The following SHISA6 variants were observed in gnomAD, a reference collection of about 807,000 sequenced individuals.
SHISA6 encodes the protein protein shisa-6.
A neutral mutation model predicts 47.9 loss-of-function variants in SHISA6; 22 were observed. The ratio of observed to expected loss-of-function variants is 0.46; its 90% CI spans 0.33 to 0.66. The LOEUF is 0.66. Among genes scored for constraint, SHISA6 ranks in the 30% least tolerant of loss-of-function variants. The probability of loss-of-function intolerance (pLI) is 0.02; values close to 1 mark genes in which losing one functional copy is unlikely to be tolerated. For synonymous variants in SHISA6, 388 were observed against 337.8 expected, an observed-to-expected ratio of 1.15 and a Z score of -1.63; for missense variants, 680 against 764.6, an observed-to-expected ratio of 0.89 and a Z score of 1.30.
intron 1 of SHISA6, among the ~76,000 whole-genome samples, chr17:11,244,830 CT>C (rs1309835266): frequency 2.6e-5 from 4 of 152,188 alleles, no homozygotes; most frequent in East Asian, 1.9e-4. Context: ...GTGCTTCCCC[CT>C]GAAGATGATA....
chr17:11,384,718 C>T (rs1391452997), intron 3 of SHISA6, among the ~76,000 whole-genome samples: 1 of 152,126 alleles, frequency 6.6e-6, no homozygotes, highest in Admixed American at 6.5e-5. Context: ...ATACAGGTCC[C>T]CATGGAGGTG....
intron 3 of SHISA6, among the ~76,000 whole-genome samples, chr17:11,494,659 A>G (rs530710597): frequency 3.3e-5 from 5 of 152,318 alleles, no homozygotes; most frequent in African/African-American, 7.2e-5. Flanking sequence ...ATTAGGCTGG[A>G]GCCATCAGGG....
chr17:11,486,198 C>T (rs967566972), intron 3 of SHISA6, among the ~76,000 whole-genome samples: 2 of 152,154 alleles, frequency 1.3e-5, no homozygotes, highest in Non-Finnish European at 2.9e-5. Flanking sequence ...TTCCACGTGG[C>T]GCTGTGTGCT....
chr17:11,550,382 G>T (rs2071920910), intron 3 of SHISA6, among the ~76,000 whole-genome samples: 1 of 152,102 alleles, frequency 6.6e-6, no homozygotes, highest in African/African-American at 2.4e-5. Context: ...TTAGAGTTCA[G>T]CCTTCACCAA....
At chr17:11,445,015 C>A (rs144131775) in intron 3 of SHISA6, among the ~76,000 whole-genome samples, 1 of 152,106 alleles carries the variant, frequency 6.6e-6, no homozygotes, top group Non-Finnish European at 1.5e-5. Flanking sequence ...CTAGAAAATG[C>A]AGCTGTAGAG....
chr17:11,367,357 A>G (rs1436562696), intron 2 of SHISA6, among the ~76,000 whole-genome samples: 3 of 152,226 alleles, frequency 2.0e-5, no homozygotes, highest in African/African-American at 7.2e-5. Flanking sequence ...CAGGGAGGAC[A>G]GAGAAAGGGG....
intron 3 of SHISA6, among the ~76,000 whole-genome samples, chr17:11,435,119 TTC>T (rs986982462): frequency 9.1e-5 from 10 of 110,110 alleles, no homozygotes; most frequent in Admixed American, 5.1e-4. Flanking sequence ...GTCTCTGTCT[TTC>T]TCTCTCTCTC....
rs3038696 is a variant in SHISA6, at chr17:11,533,587, ATTTTT to A, written c.896-18290_896-18286del. Among the ~76,000 whole-genome samples the A allele has an allele frequency of 2.4e-3, 228 of 95,020 alleles. 1 individual carries two copies. Among genetic ancestry groups the A allele is most frequent in the African/African-American group, 8.1e-3 (211 of 26,140 alleles). The allele number at this position is 95,020 out of a possible 152,430, so 62.3% of individuals were successfully genotyped here. On this transcript the variant is annotated intron_variant, in intron 3 of 5. Coordinates refer to ENST00000441885, the MANE Select transcript of SHISA6 (RefSeq NM_207386.4). ...TTCTTTTTGAAGCTTCCCTTTCATTATTTTTTTTTTTTTTTTTTTTTTTGAGATGG... is the reference window on the plus strand; with the variant it reads ...TTCTTTTTGAAGCTTCCCTTTCATTATTTTTTTTTTTTTTTTTTGAGATGG...
At chr17:11,448,740 C>T (rs566461617) in intron 3 of SHISA6, among the ~76,000 whole-genome samples, 211 of 151,872 alleles carry the variant, frequency 1.4e-3, no homozygotes, top group Non-Finnish European at 2.5e-3. Flanking sequence ...GCAGGAGAAT[C>T]GCTTGAACCC....
At chr17:11,442,537 C>T (rs1430366792) in intron 3 of SHISA6, among the ~76,000 whole-genome samples, 1 of 152,184 alleles carries the variant, frequency 6.6e-6, no homozygotes, top group Admixed American at 6.5e-5. Flanking sequence ...CCTCAGTTTC[C>T]TGAACAGAAA....
intron 3 of SHISA6, among the ~76,000 whole-genome samples, chr17:11,469,067 G>A (rs1328392706): frequency 6.9e-6 from 1 of 144,604 alleles, no homozygotes; most frequent in Admixed American, 7.0e-5. Context: ...TTGGGCCTCC[G>A]TGACTTTCCA....
At chr17:11,389,609 G>A (rs115843718) in intron 3 of SHISA6, among the ~76,000 whole-genome samples, 5,563 of 152,242 alleles carry the variant, frequency 0.037, 185 homozygotes, top group Admixed American at 0.087. Flanking sequence ...GAGAGAGGGC[G>A]GAGTTCTGTT....
intron 3 of SHISA6, among the ~76,000 whole-genome samples, chr17:11,475,748 T>C (rs574765440): frequency 1.3e-5 from 2 of 152,194 alleles, no homozygotes; most frequent in Admixed American, 1.3e-4. Flanking sequence ...AATTTTCTTA[T>C]TTTGTAATGT....
At chr17:11,392,660 C>A (rs953566753) in intron 3 of SHISA6, among the ~76,000 whole-genome samples, 4 of 152,220 alleles carry the variant, frequency 2.6e-5, no homozygotes, top group Non-Finnish European at 5.9e-5. Context: ...AAATAAACCT[C>A]ATTTCTTTAT....
intron 3 of SHISA6, among the ~76,000 whole-genome samples, chr17:11,533,115 G>A (rs112693572): frequency 1.8e-3 from 275 of 152,256 alleles, no homozygotes; most frequent in African/African-American, 6.2e-3. Flanking sequence ...CTGATGAAAA[G>A]AAATGGAATC....
chr17:11,320,361 AAG>A (rs138415315), intron 2 of SHISA6, among the ~76,000 whole-genome samples: 2 of 151,430 alleles, frequency 1.3e-5, no homozygotes, highest in African/African-American at 2.4e-5. Flanking sequence ...GGGCTGGTAT[AAG>A]AGAGAGAGAG....
intron 3 of SHISA6, among the ~76,000 whole-genome samples, chr17:11,473,233 C>T (rs1915971758): frequency 2.0e-5 from 3 of 152,114 alleles, no homozygotes; most frequent in Admixed American, 6.6e-5. Context: ...TTGCCATACC[C>T]AAGGTCATCT....
chr17:11,455,147 C>T (rs566067290), intron 3 of SHISA6, among the ~76,000 whole-genome samples: 9 of 151,838 alleles, frequency 5.9e-5, no homozygotes, highest in Non-Finnish European at 1.0e-4. Context: ...CCAGCCTGGG[C>T]GACAGAGCAA....
intron 3 of SHISA6, among the ~76,000 whole-genome samples, chr17:11,546,887 C>A (rs2142383783): frequency 6.6e-6 from 1 of 152,022 alleles, no homozygotes; most frequent in African/African-American, 2.4e-5. Context: ...CGCCACGGCG[C>A]CACTGTACTC....
Sources: allele counts gnomAD v4.1 joint callset (sites outside exome capture counted in the v4.1 genomes callset), GRCh38; gene constraint gnomAD v4.1.1; transcripts MANE v1.5; gene names NCBI Gene and HGNC (gene_info 2026-07-23, HGNC 2026-07-21).